MYO3B: variants seen among roughly 807,000 people sequenced by gnomAD.
MYO3B encodes the protein myosin-IIIb.
In MYO3B, 156 loss-of-function variants were observed where a neutral mutation model predicts 174.6. The observed-to-expected ratio is 0.89, with a 90% CI of 0.78 to 1.02. The LOEUF (loss-of-function observed/expected upper bound fraction) is 1.02, where lower values mean the gene tolerates loss of function less well. Among genes scored for constraint, MYO3B ranks in the 50% least tolerant of loss-of-function variants. MYO3B has a pLI of 0.00. For synonymous variants in MYO3B, 563 were observed against 569.1 expected, an observed-to-expected ratio of 0.99 and a Z score of 0.15; for missense variants, 1,632 against 1,639.4, an observed-to-expected ratio of 1.00 and a Z score of 0.08.
intron 7 of MYO3B, among the ~76,000 whole-genome samples, chr2:170,247,175 A>G (rs1200923781): frequency 4.6e-5 from 7 of 152,166 alleles, no homozygotes; most frequent in Non-Finnish European, 1.0e-4. Context: ...TACTTCCAGA[A>G]TGAAGTACAG....
intron 30 of MYO3B, 199 bp downstream of exon 30, chr2:170,519,739 G>C (rs370441609): frequency 2.2e-6 from 1 of 464,622 alleles, no homozygotes; most frequent in African/African-American, 2.0e-5. Flanking sequence ...TGTGGGGGCC[G>C]AGGTGGGTGG....
At chr2:170,383,899 C>T in intron 12 of MYO3B, 85 bp downstream of exon 12, 1 of 1,114,460 alleles carries the variant, frequency 9.0e-7, no homozygotes, top group Non-Finnish European at 1.4e-6. Context: ...CTTCCTGAAA[C>T]CTTTCCATTC....
intron 7 of MYO3B, among the ~76,000 whole-genome samples, chr2:170,306,268 C>T (rs917689722): frequency 2.0e-5 from 3 of 152,284 alleles, no homozygotes; most frequent in Admixed American, 6.5e-5. Context: ...ACCACATATC[C>T]GCAAGATACT....
At chr2:170,342,824 G>T (rs1164450814) in intron 8 of MYO3B, among the ~76,000 whole-genome samples, 1 of 152,048 alleles carries the variant, frequency 6.6e-6, no homozygotes, top group Admixed American at 6.5e-5. Flanking sequence ...TTGAACCCCA[G>T]AAAACTTGTT....
chr2:170,603,117 A>AC (rs1694620076), intron 32 of MYO3B, among the ~76,000 whole-genome samples: 1 of 152,020 alleles, frequency 6.6e-6, no homozygotes, highest in African/African-American at 2.4e-5. Context: ...ACCTTCATAA[A>AC]CTTTATTTTC....
chr2:170,293,975 G>A (rs530940133), intron 7 of MYO3B, among the ~76,000 whole-genome samples: 2 of 80,770 alleles, frequency 2.5e-5, no homozygotes, highest in Admixed American at 1.5e-4. Context: ...TTAGAATTTC[G>A]TTCTTTTTTT....
chr2:170,617,015 AAC>A (rs968684971), intron 32 of MYO3B, among the ~76,000 whole-genome samples: 1 of 152,202 alleles, frequency 6.6e-6, no homozygotes, highest in African/African-American at 2.4e-5. Context: ...CCATCCATAT[AAC>A]AGTTTGTCTT....
intron 22 of MYO3B, among the ~76,000 whole-genome samples, chr2:170,417,457 G>A (rs1431724168): frequency 6.6e-6 from 1 of 152,178 alleles, no homozygotes; most frequent in African/African-American, 2.4e-5. Flanking sequence ...TAAAGTTGAA[G>A]GCCAAGTCTG....
chr2:170,649,122 A>ATATAT lies in MYO3B; in HGVS notation c.3734-2505_3734-2504insATATT, dbSNP rs1478457316. On this transcript the variant is annotated intron_variant, in intron 32 of 34. Coordinates refer to ENST00000408978, the MANE Select transcript of MYO3B (RefSeq NM_138995.5). ...TATATTATATATAAAATAATATATA[A>ATATAT]TGTATATAAAATAATATATAATATA... 9.1e-4 allele frequency among the ~76,000 whole-genome samples: 53 copies of ATATAT among 57,972 alleles called. 9 individuals are homozygous for ATATAT. The highest frequency in any genetic ancestry group is 3.8e-3 in the African/African-American group (37 of 9,726). 38.0% of individuals were successfully genotyped at this position (57,972 alleles called of 152,430 possible). A position where few individuals can be genotyped will look rare whatever the true frequency, so the allele number is the denominator to read the frequency against.
chr2:170,561,693 T>A (rs1691720595), intron 32 of MYO3B, among the ~76,000 whole-genome samples: 1 of 152,230 alleles, frequency 6.6e-6, no homozygotes, highest in African/African-American at 2.4e-5. Flanking sequence ...GGATTTTTCT[T>A]CCCATGTGGT....
intron 22 of MYO3B, among the ~76,000 whole-genome samples, chr2:170,428,186 A>G (rs13426532): frequency 0.014 from 2,201 of 152,306 alleles, 50 homozygotes; most frequent in African/African-American, 0.05. Context: ...CAACAGAGCC[A>G]TTGCTGGTTG....
At chr2:170,184,140 G>C (rs748212564) in intron 1 of MYO3B, among the ~76,000 whole-genome samples, 9 of 151,900 alleles carry the variant, frequency 5.9e-5, no homozygotes, top group Admixed American at 2.0e-4. Flanking sequence ...TAATGCATAA[G>C]AATCACATCA....
intron 30 of MYO3B, among the ~76,000 whole-genome samples, chr2:170,527,102 T>C (rs942718970): frequency 6.6e-6 from 1 of 152,132 alleles, no homozygotes; most frequent in Non-Finnish European, 1.5e-5. Flanking sequence ...AAGGTCTCAT[T>C]CGTGTGACAT....
rs1395680644 is a variant in MYO3B at position 170,393,982 on chromosome 2, A to T, written c.1791+1487A>T. ...CCCAGAAGAGTTAAAGCATGGTAGGAATGGCAGTGGAGCAATTTAAAGTCA... is the reference window on the plus strand; with the variant it reads ...CCCAGAAGAGTTAAAGCATGGTAGGTATGGCAGTGGAGCAATTTAAAGTCA... On this transcript the variant is annotated intron_variant, in intron 16 of 34. Coordinates refer to ENST00000408978, the MANE Select transcript of MYO3B (RefSeq NM_138995.5). 2.0e-5 allele frequency among the ~76,000 whole-genome samples: 3 copies of T among 152,206 alleles called. No individual in the cohort carries two copies. The East Asian group carries it at 5.8e-4, about 29-fold the overall frequency.
intron 8 of MYO3B, among the ~76,000 whole-genome samples, chr2:170,362,008 A>G (rs1177496969): frequency 6.6e-6 from 1 of 152,158 alleles, no homozygotes. Flanking sequence ...GACAGGTTTC[A>G]CTGAGGCTGC....
intron 8 of MYO3B, chr2:170,338,178 T>C (rs1349327186): frequency 6.6e-6 from 1 of 152,194 alleles, no homozygotes; most frequent in Non-Finnish European, 1.5e-5. Context: ...AATGGAGGGC[T>C]AAACACAGAA....
chr2:170,429,439 G>A (rs536897685), intron 22 of MYO3B, among the ~76,000 whole-genome samples: 2 of 152,302 alleles, frequency 1.3e-5, no homozygotes, highest in Admixed American at 1.3e-4. Flanking sequence ...TCCCACCAGT[G>A]ACTTATGATA....
chr2:170,430,079 A>G (rs2094697188), intron 22 of MYO3B, among the ~76,000 whole-genome samples: 1 of 151,034 alleles, frequency 6.6e-6, no homozygotes, highest in Admixed American at 6.6e-5. Flanking sequence ...AACTGCATAT[A>G]TGGAGGGCCA....
At chr2:170,359,564 C>G (rs1363637747) in intron 8 of MYO3B, among the ~76,000 whole-genome samples, 2 of 152,156 alleles carry the variant, frequency 1.3e-5, no homozygotes, top group Non-Finnish European at 2.9e-5. Flanking sequence ...GACTCTCACC[C>G]CATCTCTATT....
Sources: gnomAD v4.1 joint callset for allele counts (sites outside exome capture counted in the v4.1 genomes callset) on GRCh38, gnomAD v4.1.1 for gene constraint, MANE v1.5 for transcripts, NCBI Gene and HGNC (gene_info 2026-07-23, HGNC 2026-07-21) for gene names.